Variants in ZDHHC1 observed in about 807,000 individuals in gnomAD.
The protein encoded by ZDHHC1 is palmitoyltransferase ZDHHC1.
Under a neutral mutation model 46.9 loss-of-function variants are expected in ZDHHC1, and 45 were observed. That is an observed-to-expected ratio of 0.96 (90% CI 0.76 to 1.23). ZDHHC1 has a LOEUF of 1.23. Ranked by LOEUF, ZDHHC1 falls within the 50% of genes most tolerant of loss-of-function variation. The pLI is 0.00. For missense variants in ZDHHC1, 649 were observed against 670.8 expected, an observed-to-expected ratio of 0.97 and a Z score of 0.36; for synonymous variants, 291 against 286.0, an observed-to-expected ratio of 1.02 and a Z score of -0.18.
intron 1 of ZDHHC1, among the ~76,000 whole-genome samples, chr16:67,412,575 G>T (rs1046915624): frequency 6.6e-6 from 1 of 152,188 alleles, no homozygotes; most frequent in African/African-American, 2.4e-5. Context: ...AACTTCCTAT[G>T]AACTGTTAGG....
chr16:67,407,840 G>A (rs1003639897), intron 1 of ZDHHC1, 27 bp from the exon 2 acceptor site: 6 of 771,726 alleles, frequency 7.8e-6, no homozygotes, highest in African/African-American at 1.7e-5. Context: ...CGTGGGCACA[G>A]TAAATGGTGT....
Position 67,401,354 on chromosome 16 carries a change from C to A in ZDHHC1, c.253-222G>T, listed in dbSNP as rs1237026091. Among the ~76,000 whole-genome samples the A allele has an allele frequency of 1.3e-5, 2 of 152,236 alleles. No homozygotes were observed. Among genetic ancestry groups the A allele is most frequent in the African/African-American group, 2.4e-5 (1 of 41,468 alleles). On this transcript the variant is annotated intron_variant, in intron 3 of 11. Coordinates refer to ENST00000565726, the MANE Select transcript of ZDHHC1 (RefSeq NM_001323627.2). The surrounding 1 kb of genome is among the most constrained non-coding windows in gnomAD (Gnocchi z 4.6). ...GGGAGAGGCCATCTAGGAAAGGAGT[C>A]CACAGCCAGCCAGCAGTGCCTGCTG... is the stretch of plus-strand genomic sequence containing the variant.
intron 1 of ZDHHC1, among the ~76,000 whole-genome samples, chr16:67,408,487 G>T (rs1337498374): frequency 1.3e-5 from 2 of 151,670 alleles, no homozygotes; most frequent in Admixed American, 6.6e-5. Context: ...GCTTTGTTTT[G>T]TTTTGTTTTT....
In ZDHHC1 at chr16:67,406,148, A is replaced by C; in HGVS notation, c.252+52T>G. On this transcript the variant is annotated intron_variant, in intron 3 of 11. Coordinates refer to ENST00000565726, the MANE Select transcript of ZDHHC1 (RefSeq NM_001323627.2). The surrounding 1 kb of genome is among the most constrained non-coding windows in gnomAD (Gnocchi z 4.1). ...GCTTTGGGCCTCCGCTGTGCCAGCC[A>C]TCCTTTGCCTCCCCACTTCCACACA... 1 of 1,578,164 alleles carries C rather than the reference A, an allele frequency of 6.3e-7. No homozygotes were observed. Among genetic ancestry groups the C allele is most frequent in the Non-Finnish European group, 8.6e-7 (1 of 1,159,304 alleles).
chr16:67,401,017 T>A lies in ZDHHC1; in HGVS notation c.368A>T (p.Asn123Ile), dbSNP rs775473492. 25 of 1,613,998 alleles carry A rather than the reference T, an allele frequency of 1.5e-5. No individual in the cohort carries two copies. The highest frequency in any genetic ancestry group is 2.1e-5 in the Non-Finnish European group (25 of 1,180,040). The change falls in exon 4 of 12, where the codon AAC (asparagine) becomes ATC (isoleucine). Residue 123 changes from asparagine to isoleucine, a missense_variant. By Grantham distance (149) the Asn-to-Ile change is moderately radical (BLOSUM62 -3). Transcript: ENST00000565726. The surrounding 1 kb of genome is among the most constrained non-coding windows in gnomAD (Gnocchi z 4.6). ...AATGACATGTGCGTGCTGGCTTCGG[T>A]TGAAGATGGGCAGGGGCCCCGCATA... ...KSYAGPLPIF[N>I]RSQHAHVIED...
chr16:67,401,216 C>T lies in ZDHHC1; in HGVS notation c.253-84G>A. On this transcript the variant is annotated intron_variant, in intron 3 of 11. Transcript: ENST00000565726. The surrounding 1 kb of genome is among the most constrained non-coding windows in gnomAD (Gnocchi z 4.6). ...CTTGCAGCCAGAGAACTCCCCACTG[C>T]CATGCCAGCCCGCTTTGTGCAGATT... is the stretch of plus-strand genomic sequence containing the variant. 1 of 1,533,398 alleles carries T rather than the reference C, an allele frequency of 6.5e-7. No individual in the cohort carries two copies. The highest frequency in any genetic ancestry group is 1.3e-5 in the South Asian group (1 of 79,708). The allele number at this position is 1,533,398 out of a possible 1,614,324, so 95.0% of individuals were successfully genotyped here.
Position 67,394,718 on chromosome 16 carries a change from C to T in ZDHHC1, c.1341G>A (p.Arg447=). ...GCCGCGCCAGCGTGGGCTGTCGGCC[C>T]CGGCCCCGCGGGGCGGCCAGAGCGG... ...GSAALAAPRG[R]GRQPTLARQA... is the part of the protein sequence containing the mutation. The change falls in exon 12 of 12, where the codon CGG becomes CGA. Residue 447 remains arginine, a synonymous_variant. Coordinates refer to ENST00000565726, the MANE Select transcript of ZDHHC1 (RefSeq NM_001323627.2). 7.3e-7 allele frequency: 1 copy of T among 1,369,162 alleles called. No homozygotes were observed. The highest frequency in any genetic ancestry group is 1.5e-5 in the African/African-American group (1 of 65,548). The allele number at this position is 1,369,162 out of a possible 1,614,324, so 84.8% of individuals were successfully genotyped here.
chr16:67,414,927 A>C (rs914538943), intron 1 of ZDHHC1, among the ~76,000 whole-genome samples: 1 of 152,322 alleles, frequency 6.6e-6, no homozygotes, highest in Middle Eastern at 3.4e-3. Context: ...ACCTGAGGTC[A>C]GGAGTTCAAG....
chr16:67,411,210 A>G (rs750887700), intron 1 of ZDHHC1, among the ~76,000 whole-genome samples: 8 of 152,172 alleles, frequency 5.3e-5, no homozygotes, highest in Admixed American at 2.0e-4. Context: ...GGATTCCTGC[A>G]AGCTACCTGA....
At chr16:67,399,657 C>T (rs569869996) in intron 4 of ZDHHC1, among the ~76,000 whole-genome samples, 2 of 152,290 alleles carry the variant, frequency 1.3e-5, no homozygotes, top group African/African-American at 2.4e-5. Context: ...TCCCGAAGAG[C>T]TGGGGGACCC....
intron 8 of ZDHHC1, chr16:67,395,885 C>T (rs1015050111): frequency 2.0e-5 from 7 of 343,692 alleles, no homozygotes; most frequent in East Asian, 1.2e-4. Flanking sequence ...CAGAGCTGCC[C>T]GCACCTGCTC....
At position 67,398,899 on chromosome 16, in the gene ZDHHC1, G is replaced by C; in HGVS notation, c.576C>G (p.Leu192=). Residue 192 remains leucine, a synonymous_variant, in exon 6 of 12, where the codon CTC becomes CTG. Coordinates refer to ENST00000565726, the MANE Select transcript of ZDHHC1 (RefSeq NM_001323627.2). ...SVASALLGVL[L]LVLVATYVFV... is the part of the protein sequence containing the mutation. ...AGACATATGTGGCCACCAGCACCAG[G>C]AGCAGGACGCCCAGTAAAGCGGATG... 1 of 1,613,534 alleles carries C rather than the reference G, an allele frequency of 6.2e-7. No individual in the cohort carries two copies. The highest frequency in any genetic ancestry group is 2.2e-5 in the East Asian group (1 of 44,850).
Position 67,401,265 on chromosome 16 carries a change from T to G in ZDHHC1, c.253-133A>C. On this transcript the variant is annotated intron_variant, in intron 3 of 11. Transcript: ENST00000565726. This position sits in a 1 kb window ranked among gnomAD's most constrained non-coding sequence, Gnocchi z 4.6. Reference sequence around the variant, plus strand: ...TTCTCTGCCTCTGCCACCTCCTACCTCCAGTCCCCCAAAGCCTCCTCATCA... The same window carrying G: ...TTCTCTGCCTCTGCCACCTCCTACCGCCAGTCCCCCAAAGCCTCCTCATCA... 1 of 1,261,230 alleles carries G rather than the reference T, an allele frequency of 7.9e-7. No individual in the cohort carries two copies. 78.1% of individuals were successfully genotyped at this position (1,261,230 alleles called of 1,614,324 possible). A position where few individuals can be genotyped will look rare whatever the true frequency, so the allele number is the denominator to read the frequency against.
chr16:67,408,944 C>T (rs2040707235), intron 1 of ZDHHC1, among the ~76,000 whole-genome samples: 1 of 152,226 alleles, frequency 6.6e-6, no homozygotes, highest in African/African-American at 2.4e-5. Context: ...CCAGTGACAC[C>T]ATCACCAGGG....
Position 67,398,235 on chromosome 16 carries a change from G to A in ZDHHC1, c.904C>T (p.Pro302Ser), listed in dbSNP as rs774934878. The A allele has an allele frequency of 3.1e-6, 5 of 1,614,162 alleles. No individual in the cohort carries two copies. The highest frequency in any genetic ancestry group is 1.7e-5 in the Admixed American group (1 of 60,014). The change falls in exon 8 of 12, where the codon CCT becomes TCT. Residue 302 changes from proline to serine, a missense_variant. Coordinates refer to ENST00000565726, the MANE Select transcript of ZDHHC1 (RefSeq NM_001323627.2). ...KGVHRELESC[P>S]PKMRPIQEME... is the part of the protein sequence containing the mutation. Reference sequence around the variant, plus strand: ...ACCTGAATGGGCCGCATCTTGGGAGGACATGACTCGAGCTCCCTGTGAACC... The same window carrying A: ...ACCTGAATGGGCCGCATCTTGGGAGAACATGACTCGAGCTCCCTGTGAACC...
At chr16:67,397,887 C>T (rs749312232) in intron 8 of ZDHHC1, among the ~76,000 whole-genome samples, 21 of 152,212 alleles carry the variant, frequency 1.4e-4, no homozygotes, top group Non-Finnish European at 2.6e-4. Context: ...ATCCTGGCCA[C>T]CCATCACTGA....
chr16:67,406,556 C>T lies in ZDHHC1; in HGVS notation c.10-114G>A. The T allele has an allele frequency of 7.5e-7, 1 of 1,330,084 alleles. No homozygotes were observed. Among genetic ancestry groups the T allele is most frequent in the Non-Finnish European group, 9.9e-7 (1 of 1,006,462 alleles). The allele number at this position is 1,330,084 out of a possible 1,614,324, so 82.4% of individuals were successfully genotyped here. ...GGGGGAGTAGGCTGCGACAGCTACT[C>T]TGCTGGGGAAACTGGGGTCCTAGCA... On this transcript the variant is annotated intron_variant, in intron 2 of 11. Coordinates refer to ENST00000565726, the MANE Select transcript of ZDHHC1 (RefSeq NM_001323627.2). This position sits in a 1 kb window ranked among gnomAD's most constrained non-coding sequence, Gnocchi z 4.1.
Position 67,400,995 on chromosome 16 carries a change from G to A in ZDHHC1, c.390C>T (p.Val130=). The part of the protein sequence containing the change: ...PIFNRSQHAH[V]IEDLHCNLCN... ...ACAAGTTGCAGTGCAGGTCTTCAATGACATGTGCGTGCTGGCTTCGGTTGA... is the reference window on the plus strand; with the variant it reads ...ACAAGTTGCAGTGCAGGTCTTCAATAACATGTGCGTGCTGGCTTCGGTTGA... Residue 130 remains valine (V), a synonymous_variant, in exon 4 of 12, where the codon GTC becomes GTT. Coordinates refer to ENST00000565726, the MANE Select transcript of ZDHHC1 (RefSeq NM_001323627.2). 1 of 1,614,116 alleles carries A rather than the reference G, an allele frequency of 6.2e-7. No homozygotes were observed. The highest frequency in any genetic ancestry group is 8.5e-7 in the Non-Finnish European group (1 of 1,180,024).
At position 67,399,318 on chromosome 16, in the gene ZDHHC1, G is replaced by A. The variant is rs777145236; in HGVS notation, c.530+37C>T. ...TCTGTGGCTCCCACCCTCAGACAGT[G>A]CATCCCCAGGCCCGCGTGCGGCCGG... On this transcript the variant is annotated intron_variant, in intron 5 of 11. Transcript: ENST00000565726. 3.2e-6 allele frequency: 5 copies of A among 1,566,690 alleles called. 1 individual carries two copies. In the South Asian group the frequency reaches 3.4e-5, roughly 11 times the overall value.
Sources: allele counts gnomAD v4.1 joint callset (sites outside exome capture counted in the v4.1 genomes callset), GRCh38; gene constraint gnomAD v4.1.1; non-coding constraint Gnocchi (gnomAD v3.1); transcripts MANE v1.5; gene names NCBI Gene and HGNC (gene_info 2026-07-23, HGNC 2026-07-21).